PTPRM: variants seen among roughly 807,000 people sequenced by gnomAD.
PTPRM encodes receptor-type tyrosine-protein phosphatase mu.
Under a neutral mutation model 186.7 loss-of-function variants are expected in PTPRM, and 47 were observed. That is an observed-to-expected ratio of 0.25 (90% CI 0.20 to 0.32). The LOEUF is 0.32. Ranked by LOEUF, PTPRM falls within the 10% of genes least tolerant of loss-of-function variation. PTPRM has a pLI of 1.00. For missense variants in PTPRM, 1,494 were observed against 1,865.0 expected, an observed-to-expected ratio of 0.80 and a Z score of 3.66; for synonymous variants, 668 against 674.9, an observed-to-expected ratio of 0.99 and a Z score of 0.16.
chr18:7,928,181 C>T (rs377117782), intron 5 of PTPRM, among the ~76,000 whole-genome samples: 1 of 152,128 alleles, frequency 6.6e-6, no homozygotes, highest in East Asian at 1.9e-4. Context: ...CAGGATGTTC[C>T]ACCCCTCTGC....
At chr18:7,574,595 T>G (rs925933844) in intron 1 of PTPRM, among the ~76,000 whole-genome samples, 2 of 152,174 alleles carry the variant, frequency 1.3e-5, no homozygotes, top group Non-Finnish European at 2.9e-5. Context: ...TTTATTAAAA[T>G]TTCAAAATCT....
chr18:7,842,910 A>ATGTGTGTGTGTGTGTG (rs1285423674), intron 2 of PTPRM, among the ~76,000 whole-genome samples: 1 of 107,030 alleles, frequency 9.3e-6, no homozygotes, highest in African/African-American at 4.7e-5. Context: ...TGTTTCTCAT[A>ATGTGTGTGTGTGTGTG]TGTGTGTGTG....
At chr18:7,731,438 T>C (rs937704569) in intron 1 of PTPRM, among the ~76,000 whole-genome samples, 1 of 152,166 alleles carries the variant, frequency 6.6e-6, no homozygotes, top group Non-Finnish European at 1.5e-5. Context: ...TTCAGACATT[T>C]TAAGAGGTAT....
At chr18:8,259,581 A>G (rs2094607059) in intron 19 of PTPRM, among the ~76,000 whole-genome samples, 1 of 149,872 alleles carries the variant, frequency 6.7e-6, no homozygotes, top group South Asian at 2.1e-4. Flanking sequence ...CTTTGTCTAT[A>G]TTTGACAAAG....
intron 23 of PTPRM, among the ~76,000 whole-genome samples, chr18:8,343,867 C>CAAG (rs757463257): frequency 0.79 from 119,917 of 151,488 alleles, 48,916 homozygotes; most frequent in Middle Eastern, 0.93. Context: ...CCCAAACTCC[C>CAAG]AAAATTGGCT....
chr18:8,388,671 A>G (rs2095793071), intron 31 of PTPRM, among the ~76,000 whole-genome samples: 1 of 152,066 alleles, frequency 6.6e-6, no homozygotes, highest in African/African-American at 2.4e-5. Flanking sequence ...GCATTAAAAA[A>G]TCTCTGTTGG....
At chr18:7,811,447 T>C (rs955909396) in intron 2 of PTPRM, among the ~76,000 whole-genome samples, 4 of 152,194 alleles carry the variant, frequency 2.6e-5, no homozygotes, top group African/African-American at 9.7e-5. Context: ...AGCCTTGATC[T>C]CTGGGGCTCA....
chr18:8,026,955 G>A (rs765055222), intron 7 of PTPRM, among the ~76,000 whole-genome samples: 1 of 152,088 alleles, frequency 6.6e-6, no homozygotes, highest in Non-Finnish European at 1.5e-5. Context: ...GATTTCTGGA[G>A]CTAGTGATAT....
At chr18:7,776,891 T>C (rs2042611767) in intron 2 of PTPRM, among the ~76,000 whole-genome samples, 1 of 152,222 alleles carries the variant, frequency 6.6e-6, no homozygotes, top group African/African-American at 2.4e-5. Context: ...TGTACTATCC[T>C]AAAGTCTAGA....
chr18:8,370,236 T>C (rs987361808), intron 23 of PTPRM, among the ~76,000 whole-genome samples: 3 of 151,188 alleles, frequency 2.0e-5, no homozygotes, highest in Admixed American at 1.3e-4. Flanking sequence ...TTCAAAAATA[T>C]GACAGTGGAG....
chr18:8,069,728 A>G lies in PTPRM; in HGVS notation c.1175A>G (p.Lys392Arg), dbSNP rs747146046. 6.2e-7 allele frequency: 1 copy of G among 1,613,972 alleles called. No individual in the cohort carries two copies. The highest frequency in any genetic ancestry group is 8.5e-7 in the Non-Finnish European group (1 of 1,179,812). Residue 392 changes from lysine to arginine, a missense_variant, in exon 8 of 33, where the codon AAA becomes AGA. Transcript: ENST00000580170. ...GPRKLEVVEV[K>R]SRQITIRWEP... ...AGAAAACTAGAAGTAGTGGAGGTCA[A>G]ATCTCGGCAAATCACTATCCGCTGG...
At chr18:8,323,882 T>C (rs2095360350) in intron 22 of PTPRM, among the ~76,000 whole-genome samples, 2 of 152,126 alleles carry the variant, frequency 1.3e-5, no homozygotes. Context: ...TAATGAAATA[T>C]CAAGATCGTT....
intron 11 of PTPRM, among the ~76,000 whole-genome samples, chr18:8,095,872 G>A (rs1425270575): frequency 1.3e-5 from 2 of 152,054 alleles, no homozygotes; most frequent in Non-Finnish European, 2.9e-5. Flanking sequence ...TGAAAAACTA[G>A]CCTAGCAATG....
chr18:8,306,342 A>C (rs1354791471), intron 20 of PTPRM, among the ~76,000 whole-genome samples: 1 of 152,118 alleles, frequency 6.6e-6, no homozygotes, highest in African/African-American at 2.4e-5. Context: ...CAGGACTCCA[A>C]ATTTGTGCAG....
At chr18:8,025,398 G>C (rs1392031992) in intron 7 of PTPRM, among the ~76,000 whole-genome samples, 2 of 152,152 alleles carry the variant, frequency 1.3e-5, no homozygotes, top group African/African-American at 4.8e-5. Context: ...GGTTATGACT[G>C]GGGGGATGGA....
At chr18:8,014,852 A>G (rs1036977585) in intron 7 of PTPRM, among the ~76,000 whole-genome samples, 1 of 152,134 alleles carries the variant, frequency 6.6e-6, no homozygotes, top group Admixed American at 6.6e-5. Context: ...TTTAAGTTGC[A>G]TTTCAATAAG....
chr18:8,353,505 GA>G (rs2095547070), intron 23 of PTPRM, among the ~76,000 whole-genome samples: 1 of 152,154 alleles, frequency 6.6e-6, no homozygotes, highest in African/African-American at 2.4e-5. Context: ...AGCTTATGAG[GA>G]GTATACAGTT....
intron 32 of PTPRM, chr18:8,399,806 C>T (rs2095862658): frequency 6.6e-6 from 1 of 152,176 alleles, no homozygotes; most frequent in Non-Finnish European, 1.5e-5. Flanking sequence ...CAGCGGGGCT[C>T]TCAGGGTTCA....
intron 2 of PTPRM, among the ~76,000 whole-genome samples, chr18:7,803,860 A>T (rs141728791): frequency 1.6e-4 from 25 of 152,346 alleles, no homozygotes; most frequent in African/African-American, 5.8e-4. Flanking sequence ...TAATTAACTT[A>T]GAATTATCGG....
Sources: allele counts gnomAD v4.1 joint callset (sites outside exome capture counted in the v4.1 genomes callset), GRCh38; gene constraint gnomAD v4.1.1; transcripts MANE v1.5; gene names NCBI Gene and HGNC (gene_info 2026-07-23, HGNC 2026-07-21).